Variants in MYOT observed in about 807,000 individuals in gnomAD.
The protein encoded by MYOT is myotilin.
MYOT carries 36 observed loss-of-function variants against 58.0 expected under a neutral mutation model. The ratio of observed to expected loss-of-function variants is 0.62; its 90% CI spans 0.48 to 0.82. The LOEUF (loss-of-function observed/expected upper bound fraction) is 0.82. Among genes scored for constraint, MYOT ranks in the 40% least tolerant of loss-of-function variants. MYOT has a pLI of 0.00. For missense variants in MYOT, 505 were observed against 592.1 expected (o/e 0.85, Z 1.53); for synonymous variants, 218 against 204.6 (o/e 1.07, Z -0.56).
At position 137,881,979 on chromosome 5, in the gene MYOT, A is replaced by G. The variant is rs1327242239; in HGVS notation, c.690A>G (p.Arg230=). 8 of 1,614,050 alleles carry G rather than the reference A, an allele frequency of 5.0e-6. No individual in the cohort carries two copies. In the South Asian group the frequency reaches 8.8e-5, roughly 18 times the overall value. ...LQVPTSQVRS[R]STSRGDVNDQ... The stretch of plus-strand genomic sequence containing the variant: ...TACCAAAATATTCTTGTAGAAGTAG[A>G]TCAACCTCAAGGGGAGATGTGAATG... Residue 230 remains arginine (R), a synonymous_variant, in exon 6 of 10, where the codon AGA becomes AGG. Coordinates refer to ENST00000239926, the MANE Select transcript of MYOT (RefSeq NM_006790.3).
chr5:137,870,406 G>C, intron 1 of MYOT, 35 bp from the exon 2 acceptor site: 1 of 580,750 alleles, frequency 1.7e-6, no homozygotes, highest in East Asian at 2.9e-5. Context: ...TATTGTTTAA[G>C]CAAATATTGT....
intron 2 of MYOT, among the ~76,000 whole-genome samples, chr5:137,873,242 A>T (rs1040972152): frequency 1.3e-5 from 2 of 151,268 alleles, no homozygotes; most frequent in African/African-American, 4.9e-5. Flanking sequence ...AAAAAACAGT[A>T]GGCTAGGCCA....
At chr5:137,872,223 G>A (rs1254799926) in intron 2 of MYOT, among the ~76,000 whole-genome samples, 1 of 152,020 alleles carries the variant, frequency 6.6e-6, no homozygotes, top group Non-Finnish European at 1.5e-5. Flanking sequence ...ATTTTAAAAG[G>A]ATGTTTTTAA....
intron 2 of MYOT, among the ~76,000 whole-genome samples, chr5:137,871,218 T>G (rs1191158405): frequency 6.6e-6 from 1 of 152,214 alleles, no homozygotes; most frequent in East Asian, 1.9e-4. Context: ...GTGTCCAAGC[T>G]GCGCTGAATC....
Position 137,876,007 on chromosome 5 carries a change from G to C in MYOT, c.531+4G>C, listed in dbSNP as rs886043259. ...CCTTCTTCATAATGGAAATCAAGTG[G>C]GCAAGATGTCTATTTTGTACAAAAG... On this transcript the variant is annotated splice_donor_region_variant and intron_variant, in intron 3 of 9. Coordinates refer to ENST00000239926, the MANE Select transcript of MYOT (RefSeq NM_006790.3). 6.2e-7 allele frequency: 1 copy of C among 1,613,610 alleles called. No individual in the cohort carries two copies. Among genetic ancestry groups the C allele is most frequent in the Non-Finnish European group, 8.5e-7 (1 of 1,179,804 alleles).
chr5:137,870,681 C>A lies in MYOT; in HGVS notation c.30C>A (p.Phe10Leu). ...TTAACTACGAACGTCCAAAACACTTCATCCAGTCCCAAAACCCATGTGGCT... is the reference window on the plus strand; with the variant it reads ...TTAACTACGAACGTCCAAAACACTTAATCCAGTCCCAAAACCCATGTGGCT... MFNYERPKH[F>L]IQSQNPCGSR... Residue 10 changes from phenylalanine to leucine, a missense_variant, in exon 2 of 10, where the codon TTC becomes TTA. Coordinates refer to ENST00000239926, the MANE Select transcript of MYOT (RefSeq NM_006790.3). 1.2e-6 allele frequency: 2 copies of A among 1,614,214 alleles called. No individual in the cohort carries two copies. Among genetic ancestry groups the A allele is most frequent in the South Asian group, 1.1e-5 (1 of 91,078 alleles).
chr5:137,882,004 G>A lies in MYOT; in HGVS notation c.715G>A (p.Asp239Asn). The A allele has an allele frequency of 6.2e-7, 1 of 1,614,022 alleles. No individual in the cohort carries two copies. Among genetic ancestry groups the A allele is most frequent in the Non-Finnish European group, 8.5e-7 (1 of 1,179,886 alleles). ...ATCAACCTCAAGGGGAGATGTGAAT[G>A]ATCAGGATGCAATCCAGGAGAAATT... is the stretch of plus-strand genomic sequence containing the variant. ...SRSTSRGDVN[D>N]QDAIQEKFYP... Residue 239 changes from aspartate to asparagine, a missense_variant, in exon 6 of 10, where the codon GAT becomes AAT. Transcript: ENST00000239926.
intron 1 of MYOT, among the ~76,000 whole-genome samples, chr5:137,869,887 C>T (rs924951511): frequency 1.3e-5 from 2 of 151,132 alleles, no homozygotes; most frequent in Non-Finnish European, 2.9e-5. Context: ...AACATATGTT[C>T]TACACAAACA....
chr5:137,880,964 C>T, intron 5 of MYOT, 99 bp downstream of exon 5: 1 of 877,202 alleles, frequency 1.1e-6, no homozygotes, highest in South Asian at 1.6e-5. Flanking sequence ...CTACTCTATA[C>T]CTTTTGAAAA....
chr5:137,887,245 C>A lies in MYOT; in HGVS notation c.1357C>A (p.Gln453Lys). 1 of 1,614,028 alleles carries A rather than the reference C, an allele frequency of 6.2e-7. No individual in the cohort carries two copies. Among genetic ancestry groups the A allele is most frequent in the Non-Finnish European group, 8.5e-7 (1 of 1,179,978 alleles). The stretch of plus-strand genomic sequence containing the variant: ...AAACCAAACTCTTCCAGCTCCTAAG[C>A]AGTTACGGGTTCGACCAACATTCAG... Reference protein sequence around the residue: ...RPNQTLPAPKQLRVRPTFSKY... With the variant: ...RPNQTLPAPKKLRVRPTFSKY... The change falls in exon 10 of 10, where the codon CAG becomes AAG. Residue 453 changes from glutamine to lysine, a missense_variant. Gln to Lys is a moderately conservative substitution (Grantham distance 53). Transcript: ENST00000239926.
At position 137,880,874 on chromosome 5, in the gene MYOT, T is replaced by A. The variant is rs766928007; in HGVS notation, c.683+9T>A. 53 of 1,577,106 alleles carry A rather than the reference T, an allele frequency of 3.4e-5. No individual in the cohort carries two copies. The highest frequency in any genetic ancestry group is 4.4e-5 in the Non-Finnish European group (51 of 1,148,814). ...CCTACATCACAAGTAAGGTAAAAAA[T>A]TTTAATTTTAAAGAAATGTATGTTT... On this transcript the variant is annotated intron_variant, in intron 5 of 9. Coordinates refer to ENST00000239926, the MANE Select transcript of MYOT (RefSeq NM_006790.3).
At chr5:137,885,771 CAAAAAAAAA>C (rs71583286) in intron 7 of MYOT, among the ~76,000 whole-genome samples, 8 of 30,976 alleles carry the variant, frequency 2.6e-4, no homozygotes, top group African/African-American at 3.1e-4. Flanking sequence ...GACTCTGTCT[CAAAAAAAAA>C]AAAAAAAAAA....
At chr5:137,871,823 A>T (rs1337417119) in intron 2 of MYOT, among the ~76,000 whole-genome samples, 1 of 152,212 alleles carries the variant, frequency 6.6e-6, no homozygotes, top group Non-Finnish European at 1.5e-5. Context: ...GTGCTTATGC[A>T]AACTATTGGC....
chr5:137,871,762 G>A (rs1256795197), intron 2 of MYOT, among the ~76,000 whole-genome samples: 1 of 152,192 alleles, frequency 6.6e-6, no homozygotes, highest in Non-Finnish European at 1.5e-5. Context: ...AACCTAGTAT[G>A]AAAAAGGAGA....
chr5:137,870,326 C>CAA (rs1239314261), intron 1 of MYOT, 115 bp from the exon 2 acceptor site: 9 of 408,254 alleles, frequency 2.2e-5, no homozygotes, highest in African/African-American at 8.5e-5. Context: ...CACACACACA[C>CAA]AAAAGGAAGG....
intron 7 of MYOT, 101 bp downstream of exon 7, chr5:137,883,692 G>A: frequency 2.8e-6 from 3 of 1,080,264 alleles, no homozygotes; most frequent in Middle Eastern, 2.1e-4. Flanking sequence ...CATATTTAAG[G>A]TTAATGTCTA....
chr5:137,882,102 C>A lies in MYOT; in HGVS notation c.813C>A (p.Phe271Leu), dbSNP rs1278009118. The A allele has an allele frequency of 6.2e-7, 1 of 1,614,014 alleles. No individual in the cohort carries two copies. Among genetic ancestry groups the A allele is most frequent in the Non-Finnish European group, 8.5e-7 (1 of 1,179,972 alleles). The change falls in exon 6 of 10, where the codon TTC becomes TTA. Residue 271 changes from phenylalanine (F) to leucine (L), a missense_variant. Transcript: ENST00000239926. ...IDEGRFCRMD[F>L]KVSGLPAPDV... The stretch of plus-strand genomic sequence containing the variant: ...AAGGAAGATTCTGCAGAATGGACTT[C>A]AAAGTAAGAGAAGGGTTCAAAAGTA...
intron 4 of MYOT, among the ~76,000 whole-genome samples, chr5:137,880,102 C>T (rs1755377601): frequency 6.6e-6 from 1 of 152,226 alleles, no homozygotes; most frequent in African/African-American, 2.4e-5. Flanking sequence ...GTATCTCCCA[C>T]TGTGCTAAGC....
chr5:137,881,641 T>C (rs1755433292), intron 5 of MYOT, among the ~76,000 whole-genome samples: 1 of 152,202 alleles, frequency 6.6e-6, no homozygotes, highest in South Asian at 2.1e-4. Flanking sequence ...TATAACTATA[T>C]ACATGTTCAC....
Sources: allele counts gnomAD v4.1 joint callset (sites outside exome capture counted in the v4.1 genomes callset), GRCh38; gene constraint gnomAD v4.1.1; transcripts MANE v1.5; gene names NCBI Gene and HGNC (gene_info 2026-07-23, HGNC 2026-07-21).